The following NFIA variants were observed in gnomAD, a reference collection of about 807,000 sequenced individuals.
NFIA encodes the protein nuclear factor 1 A-type.
A neutral mutation model predicts 62.8 loss-of-function variants in NFIA; 8 were observed. The ratio of observed to expected loss-of-function variants is 0.13; its 90% confidence interval spans 0.07 to 0.23. The LOEUF (loss-of-function observed/expected upper bound fraction) is 0.23, where lower values mean the gene tolerates loss of function less well. Among genes scored for constraint, NFIA ranks in the 10% least tolerant of loss-of-function variants. The pLI is 1.00. For synonymous variants in NFIA, 235 were observed against 238.1 expected (o/e 0.99, Z 0.12); for missense variants, 410 against 642.1 (o/e 0.64, Z 3.91).
Position 61,312,795 on chromosome 1 carries a change from G to A in NFIA, c.626-19717G>A, listed in dbSNP as rs115269622. 7.7e-3 allele frequency among the ~76,000 whole-genome samples: 1,162 copies of A among 151,788 alleles called. 6 individuals carry two copies. Among genetic ancestry groups the A allele is most frequent in the Middle Eastern group, 0.044 (13 of 294 alleles). ...TCCAAAGTGCTGGGATTACAGGTGTGAGCCACCATGCCCAACTTCAAATTA... is the reference window on the plus strand; with the variant it reads ...TCCAAAGTGCTGGGATTACAGGTGTAAGCCACCATGCCCAACTTCAAATTA... On this transcript the variant is annotated intron_variant, in intron 3 of 10. Transcript: ENST00000403491.
intron 5 of NFIA, among the ~76,000 whole-genome samples, chr1:61,358,782 T>TG (rs1307979142): frequency 6.6e-6 from 1 of 152,184 alleles, no homozygotes; most frequent in Admixed American, 6.5e-5. Context: ...TCATTGCTGA[T>TG]GGCCAGGCCC....
intron 2 of NFIA, among the ~76,000 whole-genome samples, chr1:61,233,682 G>A (rs1253358451): frequency 6.6e-6 from 1 of 152,118 alleles, no homozygotes; most frequent in Admixed American, 6.5e-5. Context: ...CTGTAAAATT[G>A]GGATGATAGT....
chr1:61,247,306 A>G (rs1655707719), intron 2 of NFIA, among the ~76,000 whole-genome samples: 1 of 152,206 alleles, frequency 6.6e-6, no homozygotes, highest in African/African-American at 2.4e-5. Context: ...CGTGTACTTC[A>G]CAGACTTTCA....
At chr1:61,170,964 G>A (rs1251451854) in intron 2 of NFIA, among the ~76,000 whole-genome samples, 1 of 152,210 alleles carries the variant, frequency 6.6e-6, no homozygotes, top group South Asian at 2.1e-4. Flanking sequence ...AAAGTTTATA[G>A]AGAATAATGT....
intron 2 of NFIA, among the ~76,000 whole-genome samples, chr1:61,098,164 G>A (rs1646448292): frequency 6.6e-6 from 1 of 152,138 alleles, no homozygotes; most frequent in Admixed American, 6.6e-5. Context: ...GATTAACAAT[G>A]ACAATTGTAA....
chr1:61,446,035 AAAT>A (rs1388164822), intron 10 of NFIA, among the ~76,000 whole-genome samples: 1 of 152,090 alleles, frequency 6.6e-6, no homozygotes, highest in Non-Finnish European at 1.5e-5. Context: ...TAGAAAAAAA[AAAT>A]GATTCCTGGC....
intron 2 of NFIA, among the ~76,000 whole-genome samples, chr1:61,096,611 G>GT (rs1646420566): frequency 7.3e-6 from 1 of 137,340 alleles, no homozygotes; most frequent in East Asian, 2.2e-4. Flanking sequence ...GGAGTGCAAT[G>GT]GCATGATCTT....
At chr1:61,440,507 C>T (rs144114108) in intron 10 of NFIA, among the ~76,000 whole-genome samples, 1,621 of 152,242 alleles carry the variant, frequency 0.011, 29 homozygotes, top group African/African-American at 0.037. Context: ...ACAGTGATAA[C>T]GTAGAACGTT....
intron 6 of NFIA, among the ~76,000 whole-genome samples, chr1:61,371,473 A>G (rs1003995873): frequency 6.6e-6 from 1 of 152,172 alleles, no homozygotes. Context: ...TAGAATAAAA[A>G]AAAATCTTTG....
intron 3 of NFIA, among the ~76,000 whole-genome samples, chr1:61,317,388 T>C (rs1274788335): frequency 1.3e-5 from 2 of 152,076 alleles, no homozygotes; most frequent in Non-Finnish European, 2.9e-5. Flanking sequence ...ATATTCAATA[T>C]GTATTTAAAG....
intron 2 of NFIA, among the ~76,000 whole-genome samples, chr1:61,211,262 A>G (rs1031733394): frequency 7.2e-5 from 11 of 152,182 alleles, no homozygotes; most frequent in African/African-American, 2.7e-4. Context: ...ACAGTACCAG[A>G]AGTTATGTTT....
chr1:61,144,485 C>G (rs1386647315), intron 2 of NFIA, among the ~76,000 whole-genome samples: 2 of 152,162 alleles, frequency 1.3e-5, no homozygotes, highest in African/African-American at 4.8e-5. Flanking sequence ...AGATGCTGGG[C>G]CTCTATGGGG....
At position 61,455,636 on chromosome 1, in the gene NFIA, C is replaced by A; in HGVS notation, c.*316C>A. On this transcript the variant is annotated 3_prime_UTR_variant, in exon 11 of 11. Coordinates refer to ENST00000403491, the MANE Select transcript of NFIA (RefSeq NM_001134673.4). ...CGTGAGCATTAGGTGACGTGGCTAG[C>A]GGAGGACTACCCTTGCTCACTGACT... The A allele has an allele frequency of 2.3e-6, 1 of 428,882 alleles. No homozygotes were observed. 26.6% of individuals were successfully genotyped at this position (428,882 alleles called of 1,614,324 possible). A position where few individuals can be genotyped will look rare whatever the true frequency, so the allele number is the denominator to read the frequency against.
chr1:61,374,104 G>A (rs931219646), intron 6 of NFIA, among the ~76,000 whole-genome samples: 2 of 152,032 alleles, frequency 1.3e-5, no homozygotes, highest in African/African-American at 4.8e-5. Context: ...CTACCATATT[G>A]GGCAGGGCAG....
At chr1:61,092,100 TAAAC>T (rs1044524309) in intron 2 of NFIA, among the ~76,000 whole-genome samples, 36 of 152,310 alleles carry the variant, frequency 2.4e-4, no homozygotes, top group African/African-American at 8.7e-4. Context: ...AATCTAAAAT[TAAAC>T]AAATTAATTT....
At chr1:61,299,379 C>T (rs1199473840) in intron 3 of NFIA, among the ~76,000 whole-genome samples, 1 of 152,134 alleles carries the variant, frequency 6.6e-6, no homozygotes, top group East Asian at 1.9e-4. Flanking sequence ...CAGAAGAGAG[C>T]TTTAACTTAT....
At chr1:61,257,861 G>GTTTTTTTTTTTTTTTT (rs58077067) in intron 2 of NFIA, among the ~76,000 whole-genome samples, 4 of 126,454 alleles carry the variant, frequency 3.2e-5, no homozygotes, top group African/African-American at 5.9e-5. Flanking sequence ...ATGCTTAGCT[G>GTTTTTTTTTTTTTTTT]TTTTTTTTTT....
chr1:61,078,237 C>T (rs573018341), upstream of NFIA, among the ~76,000 whole-genome samples: 12 of 148,636 alleles, frequency 8.1e-5, no homozygotes, highest in East Asian at 1.6e-3. Context: ...TTAGCAAGCA[C>T]AATAGGAAAG....
At chr1:61,134,579 T>C (rs1647146371) in intron 2 of NFIA, among the ~76,000 whole-genome samples, 1 of 152,236 alleles carries the variant, frequency 6.6e-6, no homozygotes, top group Non-Finnish European at 1.5e-5. Flanking sequence ...CTTTTAGTTA[T>C]GACCACTCTT....
Sources: gnomAD v4.1 joint callset for allele counts (sites outside exome capture counted in the v4.1 genomes callset) on GRCh38, gnomAD v4.1.1 for gene constraint, MANE v1.5 for transcripts, NCBI Gene and HGNC (gene_info 2026-07-23, HGNC 2026-07-21) for gene names.